The following ZFPM2 variants were observed in gnomAD, a reference collection of about 807,000 sequenced individuals.
ZFPM2 encodes the protein zinc finger protein ZFPM2.
Under a neutral mutation model 98.6 loss-of-function variants are expected in ZFPM2, and 20 were observed. That is an observed-to-expected ratio of 0.20 (90% confidence interval 0.14 to 0.29). ZFPM2 has a LOEUF of 0.29. Among genes scored for constraint, ZFPM2 ranks in the 10% least tolerant of loss-of-function variants. The pLI is 1.00. For missense variants in ZFPM2, 1,310 were observed against 1,388.6 expected (o/e 0.94, Z 0.90); for synonymous variants, 518 against 502.7 (o/e 1.03, Z -0.41).
At chr8:105,402,864 TGTA>T (rs1358535129) in intron 1 of ZFPM2, among the ~76,000 whole-genome samples, 3 of 152,090 alleles carry the variant, frequency 2.0e-5, no homozygotes, top group African/African-American at 4.8e-5. Flanking sequence ...TACTTTATGA[TGTA>T]GTTTCTGAGA....
chr8:105,745,939 T>TTTG (rs796377090), intron 5 of ZFPM2, among the ~76,000 whole-genome samples: 1 of 152,026 alleles, frequency 6.6e-6, no homozygotes, highest in Non-Finnish European at 1.5e-5. Context: ...TTTGTATTTT[T>TTTG]TTGTTGTTGT....
At chr8:105,551,605 A>G (rs1370236901) in intron 3 of ZFPM2, among the ~76,000 whole-genome samples, 3 of 152,122 alleles carry the variant, frequency 2.0e-5, no homozygotes, top group Non-Finnish European at 4.4e-5. Flanking sequence ...TTTCAAAGTA[A>G]TGCTTTTATT....
rs976467122 is a variant in ZFPM2, at chr8:105,597,318, A to G, written c.420+35837A>G. ...TGGAGTTACACAAAATTTGGGTGAA[A>G]GTAATGTCCAATGCTGGACTATTTC... On this transcript the variant is annotated intron_variant, in intron 4 of 7. Transcript: ENST00000407775. Among the ~76,000 whole-genome samples the G allele has an allele frequency of 4.1e-4, 63 of 152,114 alleles. 1 individual carries two copies. Among genetic ancestry groups the G allele is most frequent in the Non-Finnish European group, 1.5e-5 (1 of 68,002 alleles).
At chr8:105,336,913 C>T (rs1327111090) in intron 1 of ZFPM2, among the ~76,000 whole-genome samples, 1 of 151,628 alleles carries the variant, frequency 6.6e-6, no homozygotes, top group Non-Finnish European at 1.5e-5. Context: ...TTATACTAAC[C>T]ATTACCAGAA....
intron 3 of ZFPM2, among the ~76,000 whole-genome samples, chr8:105,491,124 C>A (rs1435527402): frequency 2.0e-5 from 3 of 151,988 alleles, no homozygotes; most frequent in Non-Finnish European, 4.4e-5. Context: ...TTGGAAATTG[C>A]CTGCAATTTG....
chr8:105,752,523 A>ACG, intron 5 of ZFPM2, among the ~76,000 whole-genome samples: 1 of 152,220 alleles, frequency 6.6e-6, no homozygotes, highest in Admixed American at 6.5e-5. Context: ...AACAGCATGC[A>ACG]TATTTTAAAG....
chr8:105,665,442 T>C (rs953333936), intron 5 of ZFPM2, among the ~76,000 whole-genome samples: 4 of 152,166 alleles, frequency 2.6e-5, no homozygotes, highest in African/African-American at 9.7e-5. Flanking sequence ...AAAGCAACCC[T>C]GCCATGGATT....
At chr8:105,471,993 T>C (rs146970184) in intron 3 of ZFPM2, among the ~76,000 whole-genome samples, 1 of 152,132 alleles carries the variant, frequency 6.6e-6, no homozygotes, top group Non-Finnish European at 1.5e-5. Context: ...GTGGATTACT[T>C]GAGCACCATC....
At chr8:105,590,015 C>G (rs1233125926) in intron 4 of ZFPM2, among the ~76,000 whole-genome samples, 2 of 152,110 alleles carry the variant, frequency 1.3e-5, no homozygotes, top group East Asian at 1.9e-4. Flanking sequence ...CCACTGCTCC[C>G]GGCTTCTTTA....
intron 1 of ZFPM2, among the ~76,000 whole-genome samples, chr8:105,405,728 C>T (rs1452981925): frequency 9.2e-5 from 14 of 151,966 alleles, no homozygotes; most frequent in Admixed American, 1.3e-4. Flanking sequence ...TGTATAGTGC[C>T]GCAATAAACA....
rs190350770 is a variant in ZFPM2 at position 105,747,078 on chromosome 8, T to C, written c.533-41640T>C. On this transcript the variant is annotated intron_variant, in intron 5 of 7. Coordinates refer to ENST00000407775, the MANE Select transcript of ZFPM2 (RefSeq NM_012082.4). ...AGCATATAAACACAAGGAAATATAA[T>C]GGTTTTAATAATTAAGGATGCAGAC... Among the ~76,000 whole-genome samples the C allele has an allele frequency of 2.0e-5, 3 of 152,220 alleles. No individual in the cohort carries two copies. The East Asian group carries it at 5.8e-4, about 30-fold the overall frequency.
chr8:105,707,028 C>T (rs1284164137), intron 5 of ZFPM2, among the ~76,000 whole-genome samples: 2 of 151,980 alleles, frequency 1.3e-5, no homozygotes, highest in African/African-American at 4.8e-5. Flanking sequence ...ATTGCTTGAG[C>T]TTGGGAGTTT....
intron 1 of ZFPM2, among the ~76,000 whole-genome samples, chr8:105,394,168 C>A (rs1811175314): frequency 6.6e-6 from 1 of 152,142 alleles, no homozygotes; most frequent in African/African-American, 2.4e-5. Context: ...GCTGGGATTA[C>A]AAGCGTGAGC....
At chr8:105,494,138 C>A (rs796090220) in intron 3 of ZFPM2, among the ~76,000 whole-genome samples, 1 of 139,822 alleles carries the variant, frequency 7.2e-6, no homozygotes, top group Non-Finnish European at 1.5e-5. Context: ...AGGTCAGTGA[C>A]TTCCAAATAT....
chr8:105,469,383 C>T (rs962696788), intron 3 of ZFPM2, among the ~76,000 whole-genome samples: 2 of 152,054 alleles, frequency 1.3e-5, no homozygotes, highest in Non-Finnish European at 2.9e-5. Context: ...CCCTTTCTAT[C>T]TCTCAATCTC....
intron 1 of ZFPM2, among the ~76,000 whole-genome samples, chr8:105,330,846 A>G (rs1812219807): frequency 6.7e-6 from 1 of 150,006 alleles, no homozygotes; most frequent in Admixed American, 6.7e-5. Flanking sequence ...AGAGAAAACA[A>G]TTGAATTTTC....
At chr8:105,612,642 A>G (rs1390452826) in intron 4 of ZFPM2, among the ~76,000 whole-genome samples, 1 of 152,226 alleles carries the variant, frequency 6.6e-6, no homozygotes, top group African/African-American at 2.4e-5. Context: ...CAAGCTATAA[A>G]TATTTGGTTG....
chr8:105,585,834 C>T (rs1202993234), intron 4 of ZFPM2, among the ~76,000 whole-genome samples: 1 of 151,518 alleles, frequency 6.6e-6, no homozygotes, highest in Non-Finnish European at 1.5e-5. Context: ...AAGACTCTGT[C>T]TGTAAAAGAA....
At chr8:105,676,369 A>G (rs1230606615) in intron 5 of ZFPM2, among the ~76,000 whole-genome samples, 12 of 152,156 alleles carry the variant, frequency 7.9e-5, no homozygotes, top group Non-Finnish European at 1.0e-4. Flanking sequence ...TTCACTATGA[A>G]CAACCCCAAT....
Sources: gnomAD v4.1 joint callset for allele counts (sites outside exome capture counted in the v4.1 genomes callset) on GRCh38, gnomAD v4.1.1 for gene constraint, MANE v1.5 for transcripts, NCBI Gene and HGNC (gene_info 2026-07-23, HGNC 2026-07-21) for gene names.